Variants in FANCB observed in about 807,000 individuals in gnomAD.
FANCB encodes Fanconi anemia group B protein.
FANCB carries 5 observed loss-of-function variants against 38.9 expected under a neutral mutation model. That is an observed-to-expected ratio of 0.13 (90% CI 0.07 to 0.27). FANCB has a LOEUF of 0.27. Among genes scored for constraint, FANCB ranks in the 10% least tolerant of loss-of-function variants. The probability of loss-of-function intolerance (pLI) is 1.00; values close to 1 mark genes in which losing one functional copy is unlikely to be tolerated. For missense variants in FANCB, 573 were observed against 602.7 expected, an observed-to-expected ratio of 0.95 and a Z score of 0.52; for synonymous variants, 236 against 215.4, an observed-to-expected ratio of 1.10 and a Z score of -0.84.
At chrX:14,849,619 T>C (rs1418375563) in intron 7 of FANCB, among the ~76,000 whole-genome samples, 2 of 112,353 alleles carry the variant, frequency 1.8e-5, no homozygotes, top group Non-Finnish European at 1.9e-5. Context: ...GAGAATATCG[T>C]CTGTTATCAG....
At chrX:14,854,913 G>A (rs1034524338) in intron 5 of FANCB, among the ~76,000 whole-genome samples, 4 of 111,525 alleles carry the variant, frequency 3.6e-5, no homozygotes, top group Non-Finnish European at 5.7e-5. Flanking sequence ...AATTCTTAAG[G>A]AGTATTTTAA....
At chrX:14,740,978 A>ACGCACACACACACACACGCC in the FANCB span, among the ~76,000 whole-genome samples, 1 of 110,946 alleles carries the variant, frequency 9.0e-6, no homozygotes, top group South Asian at 3.8e-4. Context: ...ACACACACGC[A>ACGCACACACACACACACGCC]CACACACACA....
the FANCB span, among the ~76,000 whole-genome samples, chrX:14,765,659 T>C: frequency 8.9e-6 from 1 of 112,090 alleles, no homozygotes; most frequent in Admixed American, 9.5e-5. Flanking sequence ...CTTACTGAAG[T>C]TGGCAACAGC....
At chrX:14,709,126 T>C in the FANCB span, among the ~76,000 whole-genome samples, 1 of 111,218 alleles carries the variant, frequency 9.0e-6, no homozygotes. Flanking sequence ...TCCCTGCTAC[T>C]TGAGTGGCTG....
the FANCB span, among the ~76,000 whole-genome samples, chrX:14,732,660 G>A: frequency 3.6e-5 from 4 of 111,288 alleles, no homozygotes; most frequent in Admixed American, 3.8e-4. Context: ...TTTCATGTTT[G>A]TTGGCCACAT....
At chrX:14,706,560 T>C in the FANCB span, among the ~76,000 whole-genome samples, 1 of 112,277 alleles carries the variant, frequency 8.9e-6, no homozygotes, top group Admixed American at 9.4e-5. Context: ...TAACCCTATG[T>C]TGCTTGTTGT....
At chrX:14,809,373 G>A in the FANCB span, among the ~76,000 whole-genome samples, 2 of 112,517 alleles carry the variant, frequency 1.8e-5, no homozygotes, top group South Asian at 3.6e-4. Context: ...GAAGCAGGGC[G>A]AGGCATTGCC....
At position 14,854,685 on chromosome X, in the gene FANCB, T is replaced by C. The variant is rs150019762; in HGVS notation, c.1198-1518A>G. 3.1e-3 allele frequency among the ~76,000 whole-genome samples: 345 copies of C among 111,515 alleles called. 1 individual carries two copies. Among genetic ancestry groups the C allele is most frequent in the African/African-American group, 0.01 (313 of 30,673 alleles). On this transcript the variant is annotated intron_variant, in intron 5 of 9. Coordinates refer to ENST00000650831, the MANE Select transcript of FANCB (RefSeq NM_001018113.3). The stretch of plus-strand genomic sequence containing the variant: ...TTTTTGTTCATTATTGTGATCTCTA[T>C]CATACGTGCAGAAGAATGCACAGTA...
the FANCB span, among the ~76,000 whole-genome samples, chrX:14,698,665 G>A: frequency 4.0e-5 from 3 of 74,721 alleles, no homozygotes; most frequent in African/African-American, 1.1e-4. Flanking sequence ...GCGACAGAGT[G>A]AGACTCTATC....
the FANCB span, among the ~76,000 whole-genome samples, chrX:14,788,350 C>T: frequency 9.0e-6 from 1 of 111,662 alleles, no homozygotes; most frequent in African/African-American, 3.3e-5. Context: ...CGGACTCAGA[C>T]ATCCAAGGTA....
the FANCB span, among the ~76,000 whole-genome samples, chrX:14,779,239 C>T: frequency 8.9e-6 from 1 of 112,554 alleles, no homozygotes; most frequent in African/African-American, 3.2e-5. Context: ...ATCACTTGCA[C>T]ACAAATTCTT....
At chrX:14,719,514 C>A in the FANCB span, among the ~76,000 whole-genome samples, 466 of 111,720 alleles carry the variant, frequency 4.2e-3, 2 homozygotes, top group Non-Finnish European at 5.5e-3. Flanking sequence ...TATCATCTCA[C>A]CCCAGTTAGA....
At chrX:14,863,084 G>A (rs1324476666) in intron 3 of FANCB, among the ~76,000 whole-genome samples, 3 of 112,028 alleles carry the variant, frequency 2.7e-5, no homozygotes, top group African/African-American at 9.7e-5. Flanking sequence ...GTATTATAGA[G>A]GATACATACG....
the FANCB span, among the ~76,000 whole-genome samples, chrX:14,763,682 T>C: frequency 9.0e-6 from 1 of 111,622 alleles, no homozygotes; most frequent in Non-Finnish European, 1.9e-5. Flanking sequence ...CTTTAAAAAA[T>C]TATCTCCCTT....
chrX:14,701,412 T>C, the FANCB span, among the ~76,000 whole-genome samples: 42 of 111,418 alleles, frequency 3.8e-4, no homozygotes, highest in Admixed American at 1.3e-3. Flanking sequence ...AATTTCAAGA[T>C]GGCAACAGCA....
At chrX:14,827,723 C>A in the FANCB span, among the ~76,000 whole-genome samples, 1 of 111,821 alleles carries the variant, frequency 8.9e-6, no homozygotes, top group Non-Finnish European at 1.9e-5. Context: ...TTCCAAAATC[C>A]TCTATATAAT....
chrX:14,828,396 C>T, the FANCB span, among the ~76,000 whole-genome samples: 5 of 112,459 alleles, frequency 4.4e-5, no homozygotes, highest in African/African-American at 1.6e-4. Flanking sequence ...CTCTCAACCC[C>T]TGCTGCTGCT....
At chrX:14,730,718 T>C in the FANCB span, 1 of 376,699 alleles carries the variant, frequency 2.7e-6, no homozygotes, top group African/African-American at 2.6e-5. Flanking sequence ...ATAATTCCCT[T>C]CCATAATCTT....
the FANCB span, among the ~76,000 whole-genome samples, chrX:14,774,082 A>C: frequency 7.1e-5 from 8 of 112,421 alleles, no homozygotes; most frequent in African/African-American, 2.6e-4. Flanking sequence ...GTCAAAAAAC[A>C]GCATAATAAA....
Sources: allele counts gnomAD v4.1 joint callset (sites outside exome capture counted in the v4.1 genomes callset), GRCh38; gene constraint gnomAD v4.1.1; transcripts MANE v1.5; gene names NCBI Gene and HGNC (gene_info 2026-07-23, HGNC 2026-07-21).